The following EIF3E variants were observed in gnomAD, a reference collection of about 807,000 sequenced individuals.
The protein encoded by EIF3E is eukaryotic translation initiation factor 3 subunit E, also known as eIF-3 p48.
In EIF3E, 25 loss-of-function variants were observed where a neutral mutation model predicts 59.3. The observed-to-expected ratio is 0.42, with a 90% CI of 0.31 to 0.59. The LOEUF (loss-of-function observed/expected upper bound fraction) is 0.59. Ranked by LOEUF, EIF3E falls within the 20% of genes least tolerant of loss-of-function variation. The pLI is 0.15. For missense variants in EIF3E, 317 were observed against 534.3 expected (o/e 0.59, Z 4.01); for synonymous variants, 176 against 170.2 (o/e 1.03, Z -0.26).
At chr8:108,221,111 GA>G (rs1475463176) in intron 7 of EIF3E, among the ~76,000 whole-genome samples, 2 of 151,874 alleles carry the variant, frequency 1.3e-5, no homozygotes, top group African/African-American at 4.8e-5. Flanking sequence ...AAAGGGAAAG[GA>G]AAAGAAAGAA....
chr8:108,232,882 T>C (rs1341035582), intron 5 of EIF3E, among the ~76,000 whole-genome samples: 1 of 141,206 alleles, frequency 7.1e-6, no homozygotes, highest in Non-Finnish European at 1.6e-5. Flanking sequence ...ATAAATTTAC[T>C]GTGCTGGAAC....
Position 108,229,108 on chromosome 8 carries a change from C to T in EIF3E, c.559G>A (p.Glu187Lys). The T allele has an allele frequency of 6.2e-7, 1 of 1,612,798 alleles. No homozygotes were observed. ...GTCTCTTTTAACCGTGTAAGGTCTT[C>T]CATGGCTGCATCCCAATTCTGCATT... Reference protein sequence around the residue: ...ILMQNWDAAMEDLTRLKETID... With the variant: ...ILMQNWDAAMKDLTRLKETID... Residue 187 changes from glutamate to lysine, a missense_variant, in exon 6 of 13, where the codon GAA becomes AAA. Physicochemically the swap from Glu to Lys is moderately conservative, Grantham distance 56. This residue lies in a region of EIF3E where 242 missense variants were observed against 398.0 expected (regional missense o/e 0.61). Transcript: ENST00000220849.
At chr8:108,218,782 C>CTTTTTTTTTTTTTTTTTT (rs35642365) in intron 7 of EIF3E, among the ~76,000 whole-genome samples, 2 of 111,126 alleles carry the variant, frequency 1.8e-5, no homozygotes, top group Non-Finnish European at 3.5e-5. Flanking sequence ...TATTTTATTT[C>CTTTTTTTTTTTTTTTTTT]TTTTTTTTTT....
intron 7 of EIF3E, among the ~76,000 whole-genome samples, chr8:108,223,699 C>A (rs1477445736): frequency 6.6e-6 from 1 of 152,150 alleles, no homozygotes; most frequent in Non-Finnish European, 1.5e-5. Context: ...CGATAGCCTA[C>A]GAACACTGCT....
chr8:108,248,025 T>G (rs952304272), intron 1 of EIF3E, among the ~76,000 whole-genome samples: 2 of 26,318 alleles, frequency 7.6e-5, no homozygotes, highest in South Asian at 1.3e-3. Flanking sequence ...GGATTTTTTC[T>G]GGGGGGGGGG....
At chr8:108,212,429 T>C (rs1299687039) in intron 10 of EIF3E, among the ~76,000 whole-genome samples, 1 of 152,192 alleles carries the variant, frequency 6.6e-6, no homozygotes, top group Admixed American at 6.5e-5. Context: ...TACTGAGAAG[T>C]CCTTCACCTG....
At chr8:108,213,078 G>A (rs758776538) in intron 10 of EIF3E, among the ~76,000 whole-genome samples, 52 of 152,246 alleles carry the variant, frequency 3.4e-4, no homozygotes, top group Non-Finnish European at 4.7e-4. Context: ...TCACATAAAG[G>A]TATATAGAAA....
At position 108,203,179 on chromosome 8, in the gene EIF3E, A is replaced by T. The variant is rs536370048; in HGVS notation, c.1165-62T>A. The T allele has an allele frequency of 1.5e-5, 23 of 1,567,576 alleles. No homozygotes were observed. The East Asian group carries it at 4.9e-4, about 34-fold the overall frequency. On this transcript the variant is annotated intron_variant, in intron 11 of 12. Coordinates refer to ENST00000220849, the MANE Select transcript of EIF3E (RefSeq NM_001568.3). The stretch of plus-strand genomic sequence containing the variant: ...TAATGACTGAGTTTCTCAGGTAAGT[A>T]AAAAGCATGACATACCTTTGCGCAT...
intron 7 of EIF3E, among the ~76,000 whole-genome samples, chr8:108,222,773 T>C (rs1815441614): frequency 6.6e-6 from 1 of 152,124 alleles, no homozygotes; most frequent in African/African-American, 2.4e-5. Flanking sequence ...GTTTGAATTC[T>C]AAGCTGTGTA....
intron 10 of EIF3E, among the ~76,000 whole-genome samples, chr8:108,208,047 G>A (rs1331120105): frequency 6.6e-6 from 1 of 152,084 alleles, no homozygotes; most frequent in Non-Finnish European, 1.5e-5. Flanking sequence ...GATAAGGGTT[G>A]TATCAACTCT....
intron 4 of EIF3E, among the ~76,000 whole-genome samples, chr8:108,235,765 A>T (rs1462785824): frequency 6.6e-6 from 1 of 152,222 alleles, no homozygotes; most frequent in Non-Finnish European, 1.5e-5. Flanking sequence ...GTACTACCTA[A>T]TTCTACTGCT....
intron 12 of EIF3E, among the ~76,000 whole-genome samples, chr8:108,202,447 T>C (rs1815012902): frequency 6.6e-6 from 1 of 152,062 alleles, no homozygotes; most frequent in African/African-American, 2.4e-5. Context: ...AGTTTAGGAT[T>C]CCAAAATTAT....
chr8:108,219,120 A>C (rs1815359096), intron 7 of EIF3E, among the ~76,000 whole-genome samples: 1 of 152,132 alleles, frequency 6.6e-6, no homozygotes, highest in African/African-American at 2.4e-5. Context: ...TATGAGACTC[A>C]TCATTAATTT....
intron 8 of EIF3E, 80 bp from the exon 9 acceptor site, chr8:108,216,593 T>C: frequency 2.1e-6 from 2 of 937,402 alleles, no homozygotes; most frequent in African/African-American, 1.7e-5. Flanking sequence ...CCAATCTTCT[T>C]GTTTTCTCCT....
chr8:108,203,203 A>G (rs1342875841), intron 11 of EIF3E, 86 bp from the exon 12 acceptor site: 8 of 1,488,918 alleles, frequency 5.4e-6, no homozygotes, highest in Non-Finnish European at 7.3e-6. Context: ...ACCTTTGCGC[A>G]TATTTTAATG....
rs763622065 is a variant in EIF3E, at chr8:108,241,885, C to G, written c.119G>C (p.Gly40Ala). 1 of 1,596,564 alleles carries G rather than the reference C, an allele frequency of 6.3e-7. No individual in the cohort carries two copies. The highest frequency in any genetic ancestry group is 1.1e-5 in the South Asian group (1 of 87,086). Reference sequence around the variant, plus strand: ...GGTATCACTAAGAAGGTCCAATTTACCTTGTAATAATTCCTTTTCATTATA... The same window carrying G: ...GGTATCACTAAGAAGGTCCAATTTAGCTTGTAATAATTCCTTTTCATTATA... ...EIYNEKELLQGKLDLLSDTNM... is the reference protein window; with the variant it reads ...EIYNEKELLQAKLDLLSDTNM... Residue 40 changes from glycine (G) to alanine (A), a missense_variant, in exon 2 of 13, where the codon GGT becomes GCT. Transcript: ENST00000220849.
rs1205372369 is a variant in EIF3E at position 108,203,064 on chromosome 8, T to G, written c.1218A>C (p.Glu406Asp). Reference protein sequence around the residue: ...NAVSPYQQVIEKTKSLSFRSQ... With the variant: ...NAVSPYQQVIDKTKSLSFRSQ... ...TTCTAAAGGAAAGGCTTTTGGTCTT[T>G]TCAATCACTTGCTGATAGGGTGAGA... is the stretch of plus-strand genomic sequence containing the variant. Residue 406 changes from glutamate (E) to aspartate (D), a missense_variant, in exon 12 of 13, where the codon GAA becomes GAC. Physicochemically the swap from Glu to Asp is conservative, Grantham distance 45. Transcript: ENST00000220849. 3 of 1,612,898 alleles carry G rather than the reference T, an allele frequency of 1.9e-6. No individual in the cohort carries two copies. In the South Asian group the frequency reaches 3.3e-5, roughly 18 times the overall value.
chr8:108,246,288 G>T (rs1433933029), intron 1 of EIF3E, among the ~76,000 whole-genome samples: 30 of 68,974 alleles, frequency 4.3e-4, no homozygotes, highest in African/African-American at 3.0e-3. Context: ...GGGGTGTGGG[G>T]GGGGGGGGCT....
intron 10 of EIF3E, among the ~76,000 whole-genome samples, chr8:108,210,387 G>A (rs969586326): frequency 1.3e-5 from 2 of 152,026 alleles, no homozygotes; most frequent in African/African-American, 4.8e-5. Context: ...CTAAATTCTT[G>A]TTATTTTACT....
Sources: gnomAD v4.1 joint callset for allele counts (sites outside exome capture counted in the v4.1 genomes callset) on GRCh38, gnomAD v4.1.1 for gene constraint, gnomAD v4.1.1 regional missense constraint, MANE v1.5 for transcripts, NCBI Gene and HGNC (gene_info 2026-07-23, HGNC 2026-07-21) for gene names.